Variants in EIF2B3 observed in about 807,000 individuals in gnomAD.
The protein encoded by EIF2B3 is translation initiation factor eIF2B subunit gamma.
A neutral mutation model predicts 54.1 loss-of-function variants in EIF2B3; 20 were observed. The observed-to-expected ratio is 0.37, with a 90% CI of 0.26 to 0.54. The LOEUF is 0.54. Ranked by LOEUF, EIF2B3 falls within the 20% of genes least tolerant of loss-of-function variation. EIF2B3 has a pLI of 0.86. For missense variants in EIF2B3, 448 were observed against 547.8 expected (o/e 0.82, Z 1.82); for synonymous variants, 153 against 188.1 (o/e 0.81, Z 1.52).
chr1:44,875,271 A>T (rs532372425), intron 9 of EIF2B3, among the ~76,000 whole-genome samples: 54 of 152,214 alleles, frequency 3.5e-4, no homozygotes, highest in Non-Finnish European at 6.9e-4. Context: ...TACCAGATAA[A>T]ACCTCAGGTG....
chr1:44,978,416 C>A lies in EIF2B3; in HGVS notation c.193G>T (p.Ala65Ser). The A allele has an allele frequency of 6.2e-7, 1 of 1,613,758 alleles. No individual in the cohort carries two copies. The change falls in exon 3 of 12, where the codon GCA becomes TCA. Residue 65 changes from alanine to serine, a missense_variant. Coordinates refer to ENST00000360403, the MANE Select transcript of EIF2B3 (RefSeq NM_020365.5). ...GGCTTCATTTTCATCTTGAATTCTG[C>A]ACATAGAGCCTTTTGAACATCCCTG... ...TTRDVQKALC[A>S]EFKMKMKPDI...
At chr1:44,880,650 GA>G (rs1655360830) in intron 7 of EIF2B3, among the ~76,000 whole-genome samples, 2 of 152,242 alleles carry the variant, frequency 1.3e-5, no homozygotes, top group South Asian at 4.2e-4. Context: ...GGGCTCAGAG[GA>G]CTGAGTAACC....
intron 5 of EIF2B3, among the ~76,000 whole-genome samples, chr1:44,924,072 C>G (rs1380022971): frequency 6.6e-6 from 1 of 151,686 alleles, no homozygotes; most frequent in Non-Finnish European, 1.5e-5. Context: ...TCCCGAGTAG[C>G]TGGGACTACA....
rs1280332396 is a variant in EIF2B3 at position 44,879,985 on chromosome 1, C to T, written c.808G>A (p.Ala270Thr). The T allele has an allele frequency of 6.2e-7, 1 of 1,614,160 alleles. No homozygotes were observed. Among genetic ancestry groups the T allele is most frequent in the African/African-American group, 1.3e-5 (1 of 75,032 alleles). The part of the protein sequence containing the change: ...SLDIYSFIKE[A>T]NTLNLAPYDA... ...TAGGGAGCCAGGTTCAGTGTATTGG[C>T]TTCTTTTATAAAACTGTAGATATCT... is the stretch of plus-strand genomic sequence containing the variant. Residue 270 changes from alanine (A) to threonine (T), a missense_variant, in exon 8 of 12, where the codon GCC becomes ACC. By Grantham distance (58) the Ala-to-Thr change is moderately conservative. Coordinates refer to ENST00000360403, the MANE Select transcript of EIF2B3 (RefSeq NM_020365.5).
At chr1:44,909,567 T>C (rs1036834378) in intron 5 of EIF2B3, among the ~76,000 whole-genome samples, 11 of 152,194 alleles carry the variant, frequency 7.2e-5, no homozygotes, top group Admixed American at 7.2e-4. Flanking sequence ...TTGGAAGATT[T>C]TTCTCTGAAG....
intron 4 of EIF2B3, among the ~76,000 whole-genome samples, chr1:44,933,442 T>TA (rs2148936250): frequency 6.6e-6 from 1 of 152,068 alleles, no homozygotes; most frequent in South Asian, 2.1e-4. Flanking sequence ...TTCTTAAAGC[T>TA]AAAAAAATTA....
chr1:44,909,317 A>G (rs1449294832), intron 5 of EIF2B3, among the ~76,000 whole-genome samples: 2 of 151,144 alleles, frequency 1.3e-5, no homozygotes, highest in East Asian at 3.9e-4. Flanking sequence ...GTGTCAGTAC[A>G]GATTTTTTTT....
At chr1:44,863,651 C>A (rs1654681004) in intron 10 of EIF2B3, among the ~76,000 whole-genome samples, 1 of 152,198 alleles carries the variant, frequency 6.6e-6, no homozygotes, top group Non-Finnish European at 1.5e-5. Context: ...ACTTGCTAAG[C>A]ATCTTTCTTT....
intron 4 of EIF2B3, among the ~76,000 whole-genome samples, chr1:44,936,875 A>C (rs1004217813): frequency 2.6e-5 from 4 of 152,236 alleles, no homozygotes; most frequent in Non-Finnish European, 5.9e-5. Context: ...CACATGCCTT[A>C]TAAACATGTC....
rs1480814520 is a variant in EIF2B3 at position 44,978,369 on chromosome 1, A to G, written c.240T>C (p.Asp80=). Residue 80 remains aspartate, a synonymous_variant, in exon 3 of 12, where the codon GAT becomes GAC. Transcript: ENST00000360403. ...KMKPDIVCIP[D]DADMGTADSL... Reference sequence around the variant, plus strand: ...AATCTGCAGTTCCCATGTCAGCGTCATCAGGAATACACACAATATCTGGCT... The same window carrying G: ...AATCTGCAGTTCCCATGTCAGCGTCGTCAGGAATACACACAATATCTGGCT... 2 of 1,613,998 alleles carry G rather than the reference A, an allele frequency of 1.2e-6. No individual in the cohort carries two copies. The highest frequency in any genetic ancestry group is 1.7e-5 in the Admixed American group (1 of 59,990).
At chr1:44,908,997 A>T (rs1221110921) in intron 5 of EIF2B3, among the ~76,000 whole-genome samples, 1 of 152,172 alleles carries the variant, frequency 6.6e-6, no homozygotes, top group Admixed American at 6.5e-5. Flanking sequence ...AAGAATGAAG[A>T]GTGGTTCTGA....
At chr1:44,859,101 C>A (rs886702914) in intron 10 of EIF2B3, among the ~76,000 whole-genome samples, 1 of 152,086 alleles carries the variant, frequency 6.6e-6, no homozygotes, top group Non-Finnish European at 1.5e-5. Flanking sequence ...GAGTTTAAGA[C>A]CAGCTTGGGC....
chr1:44,967,881 T>A (rs1490995583), intron 3 of EIF2B3, among the ~76,000 whole-genome samples: 1 of 142,310 alleles, frequency 7.0e-6, no homozygotes, highest in Non-Finnish European at 1.5e-5. Context: ...CCACTAAAAG[T>A]ACAAAAATTA....
At chr1:44,938,478 T>TTCTCTCTC (rs141848663) in intron 4 of EIF2B3, among the ~76,000 whole-genome samples, 1 of 144,688 alleles carries the variant, frequency 6.9e-6, no homozygotes, top group Non-Finnish European at 1.5e-5. Context: ...GAGACCTAAT[T>TTCTCTCTC]TCTCTCTCTC....
chr1:44,910,675 C>T (rs970849457), intron 5 of EIF2B3, among the ~76,000 whole-genome samples: 83 of 99,590 alleles, frequency 8.3e-4, no homozygotes, highest in African/African-American at 2.8e-3. Context: ...AGAAATGGGT[C>T]TTGCTATGTT....
intron 1 of EIF2B3, among the ~76,000 whole-genome samples, chr1:44,985,776 G>A (rs545709739): frequency 6.6e-6 from 1 of 152,192 alleles, no homozygotes; most frequent in Non-Finnish European, 1.5e-5. Flanking sequence ...TATGGCTGAC[G>A]GGAATCATGG....
intron 1 of EIF2B3, among the ~76,000 whole-genome samples, chr1:44,985,494 T>C (rs540642742): frequency 6.6e-6 from 1 of 152,354 alleles, no homozygotes; most frequent in South Asian, 2.1e-4. Context: ...TAAGAGTGAC[T>C]TTCTTGGACT....
intron 3 of EIF2B3, among the ~76,000 whole-genome samples, chr1:44,960,566 G>GA (rs1644274595): frequency 6.6e-6 from 1 of 151,836 alleles, no homozygotes; most frequent in Admixed American, 6.6e-5. Flanking sequence ...GTGAACCCGG[G>GA]GGCGGAGCTT....
At chr1:44,944,890 G>A (rs1418146833) in intron 3 of EIF2B3, among the ~76,000 whole-genome samples, 1 of 151,660 alleles carries the variant, frequency 6.6e-6, no homozygotes, top group African/African-American at 2.4e-5. Context: ...AATGAAGTGA[G>A]TCTACATGTA....
Sources: allele counts gnomAD v4.1 joint callset (sites outside exome capture counted in the v4.1 genomes callset), GRCh38; gene constraint gnomAD v4.1.1; transcripts MANE v1.5; gene names NCBI Gene and HGNC (gene_info 2026-07-23, HGNC 2026-07-21).